Variants in APC observed in about 807,000 individuals in gnomAD.
APC encodes adenomatous polyposis coli protein.
A neutral mutation model predicts 247.0 loss-of-function variants in APC; 72 were observed. That is an observed-to-expected ratio of 0.29 (90% confidence interval 0.24 to 0.35). APC has a LOEUF of 0.35. APC is among the 10% of genes least tolerant of loss of function. The pLI is 1.00. For synonymous variants in APC, 1,254 were observed against 1,162.5 expected, an observed-to-expected ratio of 1.08 and a Z score of -1.60; for missense variants, 3,400 against 3,360.7, an observed-to-expected ratio of 1.01 and a Z score of -0.29.
At chr5:112,769,748 T>C (rs1310141313) in intron 4 of APC, among the ~76,000 whole-genome samples, 1 of 152,218 alleles carries the variant, frequency 6.6e-6, no homozygotes, top group East Asian at 1.9e-4. Context: ...AATATTAGTA[T>C]ATAGGAAATG....
At chr5:112,819,824 G>A (rs999700703) in intron 10 of APC, among the ~76,000 whole-genome samples, 1 of 152,122 alleles carries the variant, frequency 6.6e-6, no homozygotes, top group Non-Finnish European at 1.5e-5. Flanking sequence ...AGGAAGGGAA[G>A]GTATTATCAT....
chr5:112,779,672 T>A (rs942750449), intron 5 of APC, among the ~76,000 whole-genome samples: 14 of 152,182 alleles, frequency 9.2e-5, no homozygotes, highest in African/African-American at 3.4e-4. Context: ...GTTCAATTTT[T>A]TTTTTTTGCA....
In APC at chr5:112,831,198, T is replaced by C. The variant is rs112342096; in HGVS notation, c.1743+2226T>C. ...ATCTCGGCTAACTGCAACCTCCAAC[T>C]CCCTGGTTCAAGCGATTATCCTGCC... On this transcript the variant is annotated intron_variant, in intron 14 of 15. Transcript: ENST00000257430. Among the ~76,000 whole-genome samples the C allele has an allele frequency of 5.0e-3, 753 of 152,106 alleles. 8 individuals are homozygous for C. The highest frequency in any genetic ancestry group is 0.017 in the African/African-American group (717 of 41,468).
intron 8 of APC, among the ~76,000 whole-genome samples, chr5:112,812,037 A>G (rs1390702124): frequency 6.6e-6 from 1 of 152,206 alleles, no homozygotes; most frequent in East Asian, 1.9e-4. Flanking sequence ...CACCAAGGGC[A>G]GTTCACAGCA....
intron 2 of APC, among the ~76,000 whole-genome samples, chr5:112,757,870 T>G (rs1490625137): frequency 6.6e-6 from 1 of 152,208 alleles, no homozygotes. Context: ...TAGGGAAATG[T>G]GAACACTGTA....
intron 8 of APC, among the ~76,000 whole-genome samples, chr5:112,805,172 G>A (rs1332357151): frequency 4.0e-5 from 6 of 151,864 alleles, no homozygotes; most frequent in African/African-American, 9.7e-5. Flanking sequence ...TTTGTGTGTC[G>A]TTTTATTTTT....
intron 1 of APC, among the ~76,000 whole-genome samples, chr5:112,731,750 G>A (rs985432530): frequency 6.6e-6 from 1 of 151,932 alleles, no homozygotes; most frequent in African/African-American, 2.4e-5. Context: ...ACATTCTTCT[G>A]GGTTTTTTTG....
intron 4 of APC, among the ~76,000 whole-genome samples, chr5:112,773,310 C>G (rs1287962912): frequency 1.3e-5 from 2 of 152,130 alleles, no homozygotes; most frequent in Non-Finnish European, 2.9e-5. Flanking sequence ...GTAATAGTAT[C>G]AGAGTGGGGA....
rs369075403 is a variant in APC at position 112,843,066 on chromosome 5, T to C, written c.7472T>C (p.Met2491Thr). Reference sequence around the variant, plus strand: ...GTTTTAAGTCCTTCCCTTCCTGATATGTCTCTATCCACACATTCGTCTGTT... The same window carrying C: ...GTTTTAAGTCCTTCCCTTCCTGATACGTCTCTATCCACACATTCGTCTGTT... ...TPVLSPSLPD[M>T]SLSTHSSVQA... The change falls in exon 16 of 16, where the codon ATG (methionine) becomes ACG (threonine). Residue 2491 changes from methionine to threonine, a missense_variant. By Grantham distance (81) the Met-to-Thr change is moderately conservative (BLOSUM62 -1). This residue lies in a region of APC where 1,788 missense variants were observed against 1,649.5 expected (regional missense o/e 1.08). Transcript: ENST00000257430. This position sits in a 1 kb window ranked among gnomAD's most constrained non-coding sequence, Gnocchi z 4.8. 87 of 1,613,888 alleles carry C rather than the reference T, an allele frequency of 5.4e-5. No homozygotes were observed. Among genetic ancestry groups the C allele is most frequent in the Non-Finnish European group, 7.1e-5 (84 of 1,179,866 alleles).
intron 8 of APC, among the ~76,000 whole-genome samples, chr5:112,806,344 A>G (rs774485035): frequency 6.6e-6 from 1 of 152,186 alleles, no homozygotes; most frequent in Admixed American, 6.5e-5. Context: ...TGTTATTTTC[A>G]TACCCACACA....
chr5:112,828,055 G>GACCCT, intron 13 of APC, 49 bp downstream of exon 13: 2 of 1,500,928 alleles, frequency 1.3e-6, no homozygotes, highest in Non-Finnish European at 1.8e-6. Flanking sequence ...TTTTCTTTGA[G>GACCCT]GCAGGGTCTC....
At chr5:112,756,475 T>A (rs1418946646) in intron 2 of APC, among the ~76,000 whole-genome samples, 1 of 152,204 alleles carries the variant, frequency 6.6e-6, no homozygotes, top group Non-Finnish European at 1.5e-5. Flanking sequence ...ACACATTACA[T>A]TTCAAATCAT....
At chr5:112,735,123 T>G (rs1752310686), upstream of APC, among the ~76,000 whole-genome samples, 1 of 152,162 alleles carries the variant, frequency 6.6e-6, no homozygotes, top group South Asian at 2.1e-4. Flanking sequence ...GATATGTTTG[T>G]CAGTGCGGTC....
At chr5:112,790,638 A>G (rs188698790) in intron 6 of APC, among the ~76,000 whole-genome samples, 56 of 152,240 alleles carry the variant, frequency 3.7e-4, no homozygotes, top group African/African-American at 7.0e-4. Context: ...AGCGAACACA[A>G]CTTGAGTTTT....
chr5:112,768,566 C>A (rs1213270843), intron 4 of APC, among the ~76,000 whole-genome samples: 1 of 147,838 alleles, frequency 6.8e-6, no homozygotes, highest in Non-Finnish European at 1.5e-5. Flanking sequence ...TCATGGGGTA[C>A]ATAGTGATGT....
intron 8 of APC, among the ~76,000 whole-genome samples, chr5:112,804,028 A>G (rs529253962): frequency 1.7e-4 from 26 of 152,016 alleles, no homozygotes; most frequent in Admixed American, 3.3e-4. Flanking sequence ...CTCAACTTCA[A>G]CTTCTTCAGT....
chr5:112,833,133 C>T (rs1764478312), intron 14 of APC, among the ~76,000 whole-genome samples: 3 of 151,032 alleles, frequency 2.0e-5, no homozygotes, highest in Admixed American at 2.0e-4. Context: ...CCCGCCTCAG[C>T]TTCTCAAGTA....
Position 112,844,112 on chromosome 5 carries a change from G to A in APC, c.8518G>A (p.Val2840Met), listed in dbSNP as rs878853480. The A allele has an allele frequency of 1.2e-6, 2 of 1,612,384 alleles. No individual in the cohort carries two copies. The highest frequency in any genetic ancestry group is 2.2e-5 in the East Asian group (1 of 44,876). Residue 2840 changes from valine to methionine, a missense_variant, in exon 16 of 16, where the codon GTG becomes ATG. Coordinates refer to ENST00000257430, the MANE Select transcript of APC (RefSeq NM_000038.6). ...TAAGCGCCATTCTGGGTCTTACCTT[G>A]TGACATCTGTTTAAAAGAGAGGAAG... ...SPKRHSGSYL[V>M]TSV
intron 2 of APC, among the ~76,000 whole-genome samples, chr5:112,762,874 C>T (rs370172753): frequency 2.0e-5 from 3 of 152,128 alleles, no homozygotes; most frequent in African/African-American, 7.2e-5. Flanking sequence ...TGTGGAATAG[C>T]CATAAACTGT....
Sources: allele counts gnomAD v4.1 joint callset (sites outside exome capture counted in the v4.1 genomes callset), GRCh38; gene constraint gnomAD v4.1.1; regional missense constraint gnomAD v4.1.1; non-coding constraint Gnocchi (gnomAD v3.1); transcripts MANE v1.5; gene names NCBI Gene and HGNC (gene_info 2026-07-23, HGNC 2026-07-21).